Variants in TENM2 observed in about 807,000 individuals in gnomAD.
The protein encoded by TENM2 is teneurin-2.
A neutral mutation model predicts 245.2 loss-of-function variants in TENM2; 52 were observed. That is an observed-to-expected ratio of 0.21 (90% CI 0.17 to 0.27). The LOEUF (loss-of-function observed/expected upper bound fraction) is 0.27, where lower values mean the gene tolerates loss of function less well. TENM2 is among the 10% of genes least tolerant of loss of function. The pLI, the probability that TENM2 is intolerant of heterozygous loss-of-function variation, is 1.00. For synonymous variants in TENM2, 1,363 were observed against 1,438.9 expected (o/e 0.95, Z 1.19); for missense variants, 3,046 against 3,666.8 (o/e 0.83, Z 4.37).
At chr5:167,979,744 A>G (rs1782695225) in intron 4 of TENM2, among the ~76,000 whole-genome samples, 1 of 152,218 alleles carries the variant, frequency 6.6e-6, no homozygotes, top group African/African-American at 2.4e-5. Context: ...GATCAATAAA[A>G]TGAAGAGGCT....
intron 4 of TENM2, among the ~76,000 whole-genome samples, chr5:167,961,127 C>T (rs140439359): frequency 2.8e-3 from 409 of 148,568 alleles, no homozygotes; most frequent in African/African-American, 9.7e-3. Context: ...AGCTGCAGAC[C>T]GGAGCTGTTC....
At chr5:167,777,029 A>T (rs1429711964) in intron 2 of TENM2, among the ~76,000 whole-genome samples, 2 of 152,262 alleles carry the variant, frequency 1.3e-5, no homozygotes, top group African/African-American at 4.8e-5. Flanking sequence ...GTGAAATTAG[A>T]TTAAAACAAA....
chr5:167,229,175 T>G, the TENM2 span, among the ~76,000 whole-genome samples: 1 of 152,220 alleles, frequency 6.6e-6, no homozygotes, highest in Non-Finnish European at 1.5e-5. Flanking sequence ...ATTTTGTTGG[T>G]GACTTAGGGT....
chr5:167,434,176 C>T (rs1344825744), intron 2 of TENM2, among the ~76,000 whole-genome samples: 3 of 151,842 alleles, frequency 2.0e-5, no homozygotes, highest in Non-Finnish European at 2.9e-5. Context: ...AATACCAGCA[C>T]TTTGGGAGGC....
At chr5:167,125,132 T>A in the TENM2 span, among the ~76,000 whole-genome samples, 1 of 152,226 alleles carries the variant, frequency 6.6e-6, no homozygotes, top group Non-Finnish European at 1.5e-5. Flanking sequence ...GCCCCTTGAA[T>A]GATTCTGATG....
chr5:167,924,647 A>G (rs39950), intron 3 of TENM2, among the ~76,000 whole-genome samples: 63,575 of 152,054 alleles, frequency 0.42, 13,825 homozygotes, highest in East Asian at 0.56. Context: ...TTGTCAAAGT[A>G]AAGTGGGAGG....
intron 3 of TENM2, among the ~76,000 whole-genome samples, chr5:167,920,989 G>A (rs989466677): frequency 3.3e-5 from 5 of 152,056 alleles, no homozygotes; most frequent in South Asian, 4.2e-4. Flanking sequence ...ATCATTTCTC[G>A]GGTCCTGATG....
chr5:168,150,199 A>G (rs1009009232), intron 12 of TENM2, among the ~76,000 whole-genome samples: 21 of 152,192 alleles, frequency 1.4e-4, no homozygotes, highest in African/African-American at 4.3e-4. Flanking sequence ...CCCCTTGTCT[A>G]GAAACTACCC....
chr5:167,185,782 T>C, the TENM2 span, among the ~76,000 whole-genome samples: 1 of 152,152 alleles, frequency 6.6e-6, no homozygotes, highest in Non-Finnish European at 1.5e-5. Flanking sequence ...TCCATGCTCC[T>C]TTCACGGCCC....
chr5:167,422,582 T>C (rs1252477249), intron 2 of TENM2, among the ~76,000 whole-genome samples: 1 of 152,250 alleles, frequency 6.6e-6, no homozygotes, highest in Non-Finnish European at 1.5e-5. Flanking sequence ...CTTATGTTTA[T>C]TTTACATTTC....
At chr5:167,680,603 G>T (rs1323538595) in intron 2 of TENM2, among the ~76,000 whole-genome samples, 2 of 152,152 alleles carry the variant, frequency 1.3e-5, no homozygotes, top group Non-Finnish European at 2.9e-5. Context: ...AAAATAAATA[G>T]ACAGGACCTA....
intron 2 of TENM2, among the ~76,000 whole-genome samples, chr5:167,670,365 A>G (rs1005295106): frequency 5.3e-5 from 8 of 152,236 alleles, no homozygotes; most frequent in African/African-American, 1.7e-4. Flanking sequence ...ATAAAGCGCA[A>G]TGTGATCCAA....
At chr5:167,240,707 T>A in the TENM2 span, among the ~76,000 whole-genome samples, 1 of 152,230 alleles carries the variant, frequency 6.6e-6, no homozygotes, top group South Asian at 2.1e-4. Context: ...TGGCAGTGCA[T>A]GAAATAGTGG....
rs879940706 is a variant in TENM2, at chr5:167,780,440, C to T, written c.503-95546C>T. Among the ~76,000 whole-genome samples the T allele has an allele frequency of 2.9e-4, 44 of 152,186 alleles. 2 individuals carry two copies. Among genetic ancestry groups the T allele is most frequent in the Admixed American group, 2.0e-3 (30 of 15,278 alleles). ...AGCTCTCATATCGTAAACAAGTGTCCTTTCACGGCCTATTTAGTGCCATTT... is the reference window on the plus strand; with the variant it reads ...AGCTCTCATATCGTAAACAAGTGTCTTTTCACGGCCTATTTAGTGCCATTT... On this transcript the variant is annotated intron_variant, in intron 2 of 28. Coordinates refer to ENST00000518659, the Ensembl canonical transcript of TENM2.
At chr5:168,237,415 C>T (rs1298476589) in intron 25 of TENM2, among the ~76,000 whole-genome samples, 4 of 152,046 alleles carry the variant, frequency 2.6e-5, no homozygotes, top group Non-Finnish European at 5.9e-5. Flanking sequence ...TGCTTATTCA[C>T]TAATGTTCAT....
the TENM2 span, among the ~76,000 whole-genome samples, chr5:167,035,106 A>C: frequency 3.3e-5 from 5 of 152,190 alleles, no homozygotes; most frequent in African/African-American, 1.2e-4. Flanking sequence ...CATACTTTCC[A>C]TTCCTGAAAT....
At chr5:167,999,627 G>A (rs1057443226) in intron 5 of TENM2, among the ~76,000 whole-genome samples, 8 of 152,186 alleles carry the variant, frequency 5.3e-5, no homozygotes, top group African/African-American at 1.9e-4. Flanking sequence ...CCTCTGCTTC[G>A]GAGGAGGACG....
intron 2 of TENM2, among the ~76,000 whole-genome samples, chr5:167,395,323 G>A (rs939852582): frequency 2.6e-5 from 4 of 151,998 alleles, no homozygotes; most frequent in African/African-American, 9.7e-5. Context: ...ACTAATTTTT[G>A]TATGTTGATT....
chr5:167,724,418 T>C (rs1759848597), intron 2 of TENM2, among the ~76,000 whole-genome samples: 1 of 152,132 alleles, frequency 6.6e-6, no homozygotes, highest in East Asian at 1.9e-4. Flanking sequence ...ATTCATTTAA[T>C]AAATATTTCA....
Sources: gnomAD v4.1 joint callset for allele counts (sites outside exome capture counted in the v4.1 genomes callset) on GRCh38, gnomAD v4.1.1 for gene constraint, MANE v1.5 for transcripts, NCBI Gene and HGNC (gene_info 2026-07-23, HGNC 2026-07-21) for gene names.